VGLL3: variants seen among roughly 807,000 people sequenced by gnomAD.
VGLL3 encodes transcription cofactor vestigial-like protein 3.
VGLL3 carries 18 observed loss-of-function variants against 29.2 expected under a neutral mutation model. That is an observed-to-expected ratio of 0.62 (90% CI 0.43 to 0.91). The LOEUF (loss-of-function observed/expected upper bound fraction) is 0.91, where lower values mean the gene tolerates loss of function less well. Ranked by LOEUF, VGLL3 falls within the 40% of genes least tolerant of loss-of-function variation. VGLL3 has a pLI of 0.00. For missense variants in VGLL3, 440 were observed against 413.2 expected (o/e 1.06, Z -0.56); for synonymous variants, 180 against 151.8 (o/e 1.19, Z -1.36).
At chr3:86,978,982 T>TA (rs577579690) in intron 1 of VGLL3, among the ~76,000 whole-genome samples, 180 bp from the exon 2 acceptor site, 7 of 151,912 alleles carry the variant, frequency 4.6e-5, no homozygotes, top group South Asian at 4.1e-4. Flanking sequence ...CTTCCCACAC[T>TA]AAAAAAAATA....
chr3:86,968,951 C>T lies in VGLL3; in HGVS notation c.576G>A (p.Leu192=), dbSNP rs766314098. The T allele has an allele frequency of 1.2e-6, 2 of 1,614,040 alleles. No homozygotes were observed. The change falls in exon 3 of 4, where the codon CTG becomes CTA. Residue 192 remains leucine, a synonymous_variant. Transcript: ENST00000398399. ...GGGGAGGGGCTGGGCCAGTCTGATG[C>T]AGGTTGTGTCCCGGCCAAGGACTGG... ...ADPSPWPGHN[L]HQTGPAPPPA... is the part of the protein sequence containing the mutation.
chr3:86,979,098 G>T (rs541835315), intron 1 of VGLL3, among the ~76,000 whole-genome samples: 3 of 152,018 alleles, frequency 2.0e-5, no homozygotes, highest in Admixed American at 2.0e-4. Context: ...TTTTTGTTTT[G>T]CTTTTTGTTT....
chr3:86,957,738 G>T (rs976888234), intron 3 of VGLL3, among the ~76,000 whole-genome samples: 1 of 152,064 alleles, frequency 6.6e-6, no homozygotes, highest in African/African-American at 2.4e-5. Context: ...ATTTTTATGA[G>T]CCCCTAAGTG....
At chr3:86,972,451 T>C (rs1705121602) in intron 2 of VGLL3, among the ~76,000 whole-genome samples, 2 of 152,220 alleles carry the variant, frequency 1.3e-5, no homozygotes, top group South Asian at 2.1e-4. Context: ...AAGAAGTTTA[T>C]ACTTCAAAAT....
intron 3 of VGLL3, among the ~76,000 whole-genome samples, chr3:86,951,819 A>AGCTG (rs1169426642): frequency 7.2e-5 from 11 of 152,062 alleles, no homozygotes; most frequent in Non-Finnish European, 1.6e-4. Flanking sequence ...TGTCAGTATT[A>AGCTG]GCTGTGATGT....
chr3:86,959,202 G>A (rs1366788554), intron 3 of VGLL3, among the ~76,000 whole-genome samples: 2 of 152,040 alleles, frequency 1.3e-5, no homozygotes, highest in African/African-American at 4.8e-5. Context: ...AAATCATATA[G>A]TCCTAGGGCT....
chr3:86,976,835 A>G (rs1381990739), intron 2 of VGLL3, among the ~76,000 whole-genome samples: 3 of 152,236 alleles, frequency 2.0e-5, no homozygotes, highest in Non-Finnish European at 4.4e-5. Flanking sequence ...TAAAAGAAGT[A>G]GACATTATAT....
intron 3 of VGLL3, among the ~76,000 whole-genome samples, chr3:86,949,919 A>G (rs781187467): frequency 2.0e-5 from 3 of 152,164 alleles, no homozygotes; most frequent in Non-Finnish European, 4.4e-5. Context: ...AGATTGGAAA[A>G]ATTAAGAGTC....
intron 2 of VGLL3, among the ~76,000 whole-genome samples, chr3:86,975,111 G>A (rs1032622743): frequency 3.9e-5 from 6 of 152,166 alleles, no homozygotes; most frequent in African/African-American, 1.4e-4. Context: ...TGATGTAAGA[G>A]ATTTCAATTT....
chr3:86,956,179 T>C (rs944418827), intron 3 of VGLL3, among the ~76,000 whole-genome samples: 1 of 152,224 alleles, frequency 6.6e-6, no homozygotes, highest in African/African-American at 2.4e-5. Context: ...ATTTCTTCAT[T>C]TGAGCTGTTC....
chr3:86,948,745 T>C (rs2106960023), intron 3 of VGLL3, among the ~76,000 whole-genome samples: 1 of 152,180 alleles, frequency 6.6e-6, no homozygotes, highest in African/African-American at 2.4e-5. Context: ...TTATGCTTGA[T>C]AAAGAAGCAA....
At chr3:86,984,141 A>G (rs1705387680) in intron 1 of VGLL3, among the ~76,000 whole-genome samples, 1 of 152,244 alleles carries the variant, frequency 6.6e-6, no homozygotes, top group Non-Finnish European at 1.5e-5. Flanking sequence ...AAAAACATAT[A>G]TAATTCTAGG....
chr3:86,967,544 T>C (rs971343871), intron 3 of VGLL3, among the ~76,000 whole-genome samples: 27 of 152,194 alleles, frequency 1.8e-4, no homozygotes, highest in African/African-American at 6.0e-4. Context: ...AAAATAAAGC[T>C]GAGCATTTAT....
At chr3:86,958,868 A>G (rs114996761) in intron 3 of VGLL3, among the ~76,000 whole-genome samples, 1 of 152,334 alleles carries the variant, frequency 6.6e-6, no homozygotes, top group African/African-American at 2.4e-5. Context: ...ATATTTTAAC[A>G]TAACTCTGAT....
At chr3:86,986,987 T>C (rs989914535) in intron 1 of VGLL3, among the ~76,000 whole-genome samples, 8 of 152,046 alleles carry the variant, frequency 5.3e-5, no homozygotes, top group Admixed American at 2.6e-4. Flanking sequence ...AAAAAATTGA[T>C]TGGGGACCTA....
rs1704447285 is a variant in VGLL3, at chr3:86,943,765, T to C, written c.*3259A>G. On this transcript the variant is annotated 3_prime_UTR_variant, in exon 4 of 4. Coordinates refer to ENST00000398399, the MANE Select transcript of VGLL3 (RefSeq NM_016206.4). The stretch of plus-strand genomic sequence containing the variant: ...ATTAATAATGAGAGACAAAATAATC[T>C]GTTAGGTTCCTGATTTGTCAACATT... 2.0e-5 allele frequency: 3 copies of C among 152,142 alleles called. No individual in the cohort carries two copies. The highest frequency in any genetic ancestry group is 7.2e-5 in the African/African-American group (3 of 41,438). The allele number at this position is 152,142 out of a possible 1,614,324, so 9.4% of individuals were successfully genotyped here.
At chr3:86,976,896 T>C (rs1010837472) in intron 2 of VGLL3, among the ~76,000 whole-genome samples, 4 of 152,198 alleles carry the variant, frequency 2.6e-5, no homozygotes, top group Non-Finnish European at 5.9e-5. Flanking sequence ...TATTGATATA[T>C]CAAATTATTT....
At chr3:86,985,599 G>T (rs531487283) in intron 1 of VGLL3, among the ~76,000 whole-genome samples, 5 of 152,254 alleles carry the variant, frequency 3.3e-5, no homozygotes, top group African/African-American at 1.2e-4. Context: ...AGCTGTTTGG[G>T]TCTAATGGTT....
chr3:86,981,738 G>C (rs943679706), intron 1 of VGLL3, among the ~76,000 whole-genome samples: 2 of 151,960 alleles, frequency 1.3e-5, no homozygotes, highest in African/African-American at 4.8e-5. Flanking sequence ...CCATAGGCAG[G>C]ACACAAGAAT....
Sources: allele counts gnomAD v4.1 joint callset (sites outside exome capture counted in the v4.1 genomes callset), GRCh38; gene constraint gnomAD v4.1.1; transcripts MANE v1.5; gene names NCBI Gene and HGNC (gene_info 2026-07-23, HGNC 2026-07-21).